Variants in COL23A1 observed in about 807,000 individuals in gnomAD.
The protein encoded by COL23A1 is collagen alpha-1(XXIII) chain.
A neutral mutation model predicts 99.3 loss-of-function variants in COL23A1; 97 were observed. That is an observed-to-expected ratio of 0.98 (90% CI 0.83 to 1.16). COL23A1 has a LOEUF of 1.16. COL23A1 is among the 50% of genes most tolerant of loss of function. The pLI is 0.00. For missense variants in COL23A1, 762 were observed against 757.4 expected, an observed-to-expected ratio of 1.01 and a Z score of -0.07; for synonymous variants, 320 against 308.2, an observed-to-expected ratio of 1.04 and a Z score of -0.40.
At chr5:178,534,894 G>A (rs1760850524) in intron 2 of COL23A1, among the ~76,000 whole-genome samples, 1 of 151,792 alleles carries the variant, frequency 6.6e-6, no homozygotes, top group African/African-American at 2.4e-5. Flanking sequence ...CAGGTAGCTA[G>A]CACTTTTCCT....
At position 178,570,895 on chromosome 5, in the gene COL23A1, C is replaced by T. The variant is rs116351586; in HGVS notation, c.295-10147G>A. On this transcript the variant is annotated intron_variant, in intron 1 of 28. Coordinates refer to ENST00000390654, the MANE Select transcript of COL23A1 (RefSeq NM_173465.4). ...ACCAAGATCTGCTGAGGATCCCCTT[C>T]GAGTAGGAGGCAGAGGGCCTAATCA... 9.1e-3 allele frequency among the ~76,000 whole-genome samples: 1,381 copies of T among 151,736 alleles called. 22 individuals carry two copies. The highest frequency in any genetic ancestry group is 0.031 in the African/African-American group (1,264 of 41,320).
intron 2 of COL23A1, among the ~76,000 whole-genome samples, chr5:178,531,930 T>C (rs1055242691): frequency 6.6e-6 from 1 of 152,040 alleles, no homozygotes; most frequent in Non-Finnish European, 1.5e-5. Flanking sequence ...AACACCAAAC[T>C]CAAGGTGGGC....
rs757886701 is a variant in COL23A1, at chr5:178,248,232, TC to T, written c.1171del (p.Glu391ArgfsTer18). On this transcript the variant is annotated frameshift_variant, in exon 20 of 29. Coordinates refer to ENST00000390654, the MANE Select transcript of COL23A1 (RefSeq NM_173465.4). LOFTEE classifies it high-confidence loss of function. Reference sequence around the variant, plus strand: ...GCTGTCAGACGCCGACTCCCCCTTCTCCCCCTTGAGGCCGTCAGCGCCCTGC... The same window carrying T: ...GCTGTCAGACGCCGACTCCCCCTTCTCCCCTTGAGGCCGTCAGCGCCCTGC... Reference protein sequence around the residue: ...GLPGADGLKGEKGESASDSLQ... With the variant: ...GLPGADGLKGXKGESASDSLQ... The T allele has an allele frequency of 6.2e-7, 1 of 1,607,890 alleles. No individual in the cohort carries two copies. The highest frequency in any genetic ancestry group is 1.7e-5 in the Admixed American group (1 of 59,500).
intron 2 of COL23A1, among the ~76,000 whole-genome samples, chr5:178,416,131 C>G (rs1765295031): frequency 6.6e-6 from 1 of 152,216 alleles, no homozygotes; most frequent in Non-Finnish European, 1.5e-5. Flanking sequence ...TGACTACATA[C>G]TGGTGACCTA....
intron 2 of COL23A1, among the ~76,000 whole-genome samples, chr5:178,422,860 T>C (rs1765710681): frequency 6.6e-6 from 1 of 152,262 alleles, no homozygotes; most frequent in Non-Finnish European, 1.5e-5. Flanking sequence ...TGATTATAGA[T>C]AGTCCTTGAC....
chr5:178,381,608 A>C (rs990369928), intron 2 of COL23A1, among the ~76,000 whole-genome samples: 4 of 152,194 alleles, frequency 2.6e-5, no homozygotes, highest in Admixed American at 2.6e-4. Flanking sequence ...CTCCGGGCCC[A>C]GGCCTAGCCA....
rs17081100 is a variant in COL23A1 at position 178,346,648 on chromosome 5, G to A, written c.362-39729C>T. 9.1e-3 allele frequency among the ~76,000 whole-genome samples: 1,383 copies of A among 152,290 alleles called. 25 individuals are homozygous for A. Among genetic ancestry groups the A allele is most frequent in the African/African-American group, 0.031 (1,308 of 41,560 alleles). ...ACTTCCCCACAATCTGACTCTTGAA[G>A]GCTATCAACAAGAATGCTAATAATG... On this transcript the variant is annotated intron_variant, in intron 2 of 28. Coordinates refer to ENST00000390654, the MANE Select transcript of COL23A1 (RefSeq NM_173465.4).
Position 178,347,000 on chromosome 5 carries a change from A to AGGGACCTGAAAAG in COL23A1, c.362-40094_362-40082dup, listed in dbSNP as rs754104028. ...ATTGGTGGGTCTCCTTACGGCCTCCAGGGACCTGAAAAGGGGACCTGAGTC... is the reference window on the plus strand; with the variant it reads ...ATTGGTGGGTCTCCTTACGGCCTCCAGGGACCTGAAAAGGGGACCTGAAAAGGGGACCTGAGTC... On this transcript the variant is annotated intron_variant, in intron 2 of 28. Transcript: ENST00000390654. Among the ~76,000 whole-genome samples, 157 of 152,340 alleles carry AGGGACCTGAAAAG rather than the reference A, an allele frequency of 1.0e-3. 1 individual carries two copies. Among genetic ancestry groups the AGGGACCTGAAAAG allele is most frequent in the Non-Finnish European group, 2.0e-3 (135 of 68,034 alleles).
rs534887824 is a variant in COL23A1, at chr5:178,309,979, G to A, written c.362-3060C>T. 1.4e-4 allele frequency among the ~76,000 whole-genome samples: 22 copies of A among 152,316 alleles called. No homozygotes were observed. In the South Asian group the frequency reaches 4.1e-3, roughly 29 times the overall value. Reference sequence around the variant, plus strand: ...AGGGAGGGAGAAGGGGACAGGCAGGGAGGCCTCAGGTCTCCTCACTGCTTC... The same window carrying A: ...AGGGAGGGAGAAGGGGACAGGCAGGAAGGCCTCAGGTCTCCTCACTGCTTC... On this transcript the variant is annotated intron_variant, in intron 2 of 28. Transcript: ENST00000390654. This position sits in a 1 kb window ranked among gnomAD's most constrained non-coding sequence, Gnocchi z 4.7.
At chr5:178,393,720 C>T (rs1230472922) in intron 2 of COL23A1, among the ~76,000 whole-genome samples, 2 of 151,340 alleles carry the variant, frequency 1.3e-5, no homozygotes, top group Non-Finnish European at 2.9e-5. Context: ...ACTGCAACCT[C>T]CACCTCCCGG....
intron 2 of COL23A1, among the ~76,000 whole-genome samples, chr5:178,482,022 TA>T (rs35849475): frequency 0.04 from 5,779 of 144,110 alleles, 350 homozygotes; most frequent in African/African-American, 0.13. Flanking sequence ...AAAGTATAAT[TA>T]AAAAAAAAAA....
intron 5 of COL23A1, among the ~76,000 whole-genome samples, chr5:178,279,641 C>T (rs1473305879): frequency 6.6e-6 from 1 of 152,198 alleles, no homozygotes; most frequent in Non-Finnish European, 1.5e-5. Context: ...CGGGGTGGAA[C>T]TCCAGAGTGG....
intron 2 of COL23A1, among the ~76,000 whole-genome samples, chr5:178,509,665 C>A (rs980754189): frequency 6.6e-6 from 1 of 152,180 alleles, no homozygotes; most frequent in African/African-American, 2.4e-5. Flanking sequence ...CCAAAACACA[C>A]TGACCTTCCC....
intron 2 of COL23A1, among the ~76,000 whole-genome samples, chr5:178,379,106 C>T (rs1010662379): frequency 2.0e-5 from 3 of 152,180 alleles, no homozygotes; most frequent in South Asian, 4.2e-4. Context: ...ATTCTGCACA[C>T]GTCAAGCTCA....
intron 2 of COL23A1, among the ~76,000 whole-genome samples, chr5:178,558,767 T>C (rs1223493937): frequency 6.6e-6 from 1 of 152,034 alleles, no homozygotes; most frequent in Non-Finnish European, 1.5e-5. Flanking sequence ...ATGTGAATTT[T>C]TCCTCCCATG....
chr5:178,263,430 T>A, intron 8 of COL23A1, 106 bp from the exon 9 acceptor site: 2 of 706,942 alleles, frequency 2.8e-6, no homozygotes, highest in Non-Finnish European at 4.8e-6. Context: ...CCCCAGCCCT[T>A]GGGCAGGCTC....
At chr5:178,549,393 C>G (rs1489422624) in intron 2 of COL23A1, among the ~76,000 whole-genome samples, 3 of 152,024 alleles carry the variant, frequency 2.0e-5, no homozygotes, top group African/African-American at 7.3e-5. Flanking sequence ...TGCCATGGTA[C>G]ACATATTTAA....
intron 22 of COL23A1, 90 bp from the exon 23 acceptor site, chr5:178,246,543 G>A: frequency 2.3e-6 from 3 of 1,318,800 alleles, no homozygotes; most frequent in Non-Finnish European, 3.1e-6. Flanking sequence ...GAGCTGGGAT[G>A]TGGACAGAGG....
intron 2 of COL23A1, among the ~76,000 whole-genome samples, chr5:178,527,664 C>T (rs1760386754): frequency 6.6e-6 from 1 of 152,212 alleles, no homozygotes; most frequent in African/African-American, 2.4e-5. Flanking sequence ...CCCAGTGGGG[C>T]ACAACCTCAG....
Sources: allele counts gnomAD v4.1 joint callset (sites outside exome capture counted in the v4.1 genomes callset), GRCh38; gene constraint gnomAD v4.1.1; non-coding constraint Gnocchi (gnomAD v3.1); transcripts MANE v1.5; gene names NCBI Gene and HGNC (gene_info 2026-07-23, HGNC 2026-07-21).